RAB7A: variants seen among roughly 807,000 people sequenced by gnomAD.
RAB7A encodes ras-related protein Rab-7a.
In RAB7A, 2 loss-of-function variants were observed where a neutral mutation model predicts 24.5. That is an observed-to-expected ratio of 0.08 (90% CI 0.03 to 0.26). RAB7A has a LOEUF of 0.26. Among genes scored for constraint, RAB7A ranks in the 10% least tolerant of loss-of-function variants. The probability of loss-of-function intolerance (pLI) is 1.00; values close to 1 mark genes in which losing one functional copy is unlikely to be tolerated. For missense variants in RAB7A, 118 were observed against 255.7 expected, an observed-to-expected ratio of 0.46 and a Z score of 3.67; for synonymous variants, 100 against 95.9, an observed-to-expected ratio of 1.04 and a Z score of -0.25.
chr3:128,801,665 G>T (rs921653174), intron 3 of RAB7A, among the ~76,000 whole-genome samples: 1 of 152,124 alleles, frequency 6.6e-6, no homozygotes, highest in Non-Finnish European at 1.5e-5. Context: ...AAGAAAAATG[G>T]CAGGAAATAT....
chr3:128,753,839 G>T (rs1214216524), intron 1 of RAB7A, among the ~76,000 whole-genome samples: 1 of 152,096 alleles, frequency 6.6e-6, no homozygotes, highest in African/African-American at 2.4e-5. Flanking sequence ...GAGTCTCACT[G>T]TGTTGCCCAG....
At chr3:128,798,656 T>A (rs1482879647) in intron 3 of RAB7A, among the ~76,000 whole-genome samples, 1 of 152,010 alleles carries the variant, frequency 6.6e-6, no homozygotes, top group African/African-American at 2.4e-5. Context: ...ATTCCCTTTT[T>A]TTCCCCCATT....
At chr3:128,769,753 A>G (rs1246311737) in intron 1 of RAB7A, among the ~76,000 whole-genome samples, 1 of 152,226 alleles carries the variant, frequency 6.6e-6, no homozygotes, top group Admixed American at 6.5e-5. Flanking sequence ...GAATGAGGGC[A>G]GCTTCCATTC....
chr3:128,763,602 A>G (rs548033362), intron 1 of RAB7A, among the ~76,000 whole-genome samples: 1 of 152,194 alleles, frequency 6.6e-6, no homozygotes, highest in African/African-American at 2.4e-5. Context: ...AAGTTTAATC[A>G]TGGTATTAAG....
In RAB7A at chr3:128,741,876, C is replaced by T. The variant is rs114860581; in HGVS notation, c.-9+15517C>T. 3.1e-3 allele frequency among the ~76,000 whole-genome samples: 470 copies of T among 151,912 alleles called. 1 individual carries two copies. Among genetic ancestry groups the T allele is most frequent in the African/African-American group, 0.011 (437 of 41,396 alleles). ...TCACCCAGGCTGGAGTATAGTAGTGCGATCATGACTCATCGACTCATTGCA... is the reference window on the plus strand; with the variant it reads ...TCACCCAGGCTGGAGTATAGTAGTGTGATCATGACTCATCGACTCATTGCA... On this transcript the variant is annotated intron_variant, in intron 1 of 5. Coordinates refer to ENST00000265062, the MANE Select transcript of RAB7A (RefSeq NM_004637.6).
At chr3:128,744,876 C>CT (rs1242538121) in intron 1 of RAB7A, among the ~76,000 whole-genome samples, 10,535 of 139,298 alleles carry the variant, frequency 0.076, 992 homozygotes, top group African/African-American at 0.22. Flanking sequence ...TTTTCTTTTT[C>CT]TTTTTTTTTT....
In RAB7A at chr3:128,806,578, C is replaced by G; in HGVS notation, c.387C>G (p.Leu129=). ...TTGTGTTGGGAAACAAGATTGACCT[C>G]GAAAACAGACAAGTAAGTACCAACG... The part of the protein sequence containing the change: ...PFVVLGNKID[L]ENRQVATKRA... The change falls in exon 4 of 6, where the codon CTC becomes CTG. Residue 129 remains leucine (L), a synonymous_variant. Transcript: ENST00000265062. 1 of 1,613,488 alleles carries G rather than the reference C, an allele frequency of 6.2e-7. No homozygotes were observed. The highest frequency in any genetic ancestry group is 1.1e-5 in the South Asian group (1 of 91,036).
At chr3:128,764,921 A>G in intron 1 of RAB7A, 1 of 1,584,150 alleles carries the variant, frequency 6.3e-7, no homozygotes, top group Non-Finnish European at 8.6e-7. Context: ...AGGTAAACGT[A>G]GGAGGCGTAG....
At chr3:128,808,314 C>G (rs979335560) in intron 5 of RAB7A, among the ~76,000 whole-genome samples, 6 of 151,958 alleles carry the variant, frequency 3.9e-5, no homozygotes, top group African/African-American at 1.5e-4. Context: ...GAGCCAAGAT[C>G]GTGCCACTGT....
chr3:128,808,563 A>G (rs1314267713), intron 5 of RAB7A, among the ~76,000 whole-genome samples: 2 of 152,208 alleles, frequency 1.3e-5, no homozygotes, highest in Non-Finnish European at 2.9e-5. Flanking sequence ...TAGGAAAACT[A>G]TTCAAGGAAT....
chr3:128,760,782 A>C (rs1277686530), intron 1 of RAB7A, among the ~76,000 whole-genome samples: 1 of 152,210 alleles, frequency 6.6e-6, no homozygotes, highest in Non-Finnish European at 1.5e-5. Context: ...GTAGGCCTTG[A>C]AATCTTTTGT....
intron 1 of RAB7A, among the ~76,000 whole-genome samples, chr3:128,741,357 C>G (rs2070551940): frequency 3.9e-5 from 6 of 152,020 alleles, no homozygotes; most frequent in Admixed American, 3.3e-4. Context: ...CCTTTCCCAC[C>G]CCCAGGACAA....
chr3:128,736,197 T>C (rs1310911936), intron 1 of RAB7A, among the ~76,000 whole-genome samples: 2 of 152,100 alleles, frequency 1.3e-5, no homozygotes, highest in Non-Finnish European at 2.9e-5. Flanking sequence ...TAAAAGGTCA[T>C]GCTCAGTATC....
rs529029428 is a variant in RAB7A, at chr3:128,738,771, ATTTCTCAAATGGC to A, written c.-9+12416_-9+12428del. Among the ~76,000 whole-genome samples the A allele has an allele frequency of 3.3e-3, 496 of 152,354 alleles. 4 individuals carry two copies. The highest frequency in any genetic ancestry group is 0.011 in the African/African-American group (472 of 41,580). ...ATTTGAAAGAAAGAACTAAATGGAT[ATTTCTCAAATGGC>A]TTTTGATAGATACATGTACAATACA... On this transcript the variant is annotated intron_variant, in intron 1 of 5. Transcript: ENST00000265062.
chr3:128,774,060 C>A, intron 1 of RAB7A, among the ~76,000 whole-genome samples: 1 of 132,626 alleles, frequency 7.5e-6, no homozygotes, highest in South Asian at 2.4e-4. Flanking sequence ...CTGCGAGAAA[C>A]ACCCAAGAAT....
At chr3:128,743,189 G>A (rs886879490) in intron 1 of RAB7A, among the ~76,000 whole-genome samples, 4 of 152,186 alleles carry the variant, frequency 2.6e-5, no homozygotes, top group Non-Finnish European at 5.9e-5. Context: ...ACTGCCCCAG[G>A]CCGGTGGCGC....
intron 1 of RAB7A, among the ~76,000 whole-genome samples, chr3:128,755,974 C>A (rs888140339): frequency 6.6e-6 from 1 of 152,020 alleles, no homozygotes; most frequent in Non-Finnish European, 1.5e-5. Flanking sequence ...CACATAAAAC[C>A]CTTTTGGATC....
intron 1 of RAB7A, among the ~76,000 whole-genome samples, chr3:128,731,358 A>G (rs899619978): frequency 6.6e-6 from 1 of 152,240 alleles, no homozygotes; most frequent in Non-Finnish European, 1.5e-5. Context: ...ACTTACAGAT[A>G]TGAGGATCCC....
At chr3:128,765,888 A>G (rs1046308819) in intron 1 of RAB7A, among the ~76,000 whole-genome samples, 3 of 151,764 alleles carry the variant, frequency 2.0e-5, no homozygotes, top group African/African-American at 7.3e-5. Context: ...CAGCCTCCCA[A>G]GTAGCTGGGA....
Sources: allele counts gnomAD v4.1 joint callset (sites outside exome capture counted in the v4.1 genomes callset), GRCh38; gene constraint gnomAD v4.1.1; transcripts MANE v1.5; gene names NCBI Gene and HGNC (gene_info 2026-07-23, HGNC 2026-07-21).